ADORA2B: variants seen among roughly 807,000 people sequenced by gnomAD.
ADORA2B encodes adenosine receptor A2b.
In ADORA2B, 18 loss-of-function variants were observed where a neutral mutation model predicts 20.8. The ratio of observed to expected loss-of-function variants is 0.87; its 90% confidence interval spans 0.60 to 1.29. The LOEUF is 1.29. Ranked by LOEUF, ADORA2B falls within the 50% of genes most tolerant of loss-of-function variation. The pLI is 0.00. For missense variants in ADORA2B, 441 were observed against 422.7 expected (o/e 1.04, Z -0.38); for synonymous variants, 179 against 178.3 (o/e 1.00, Z -0.03).
At chr17:15,908,680 C>T in the ADORA2B span, 75 of 157,692 alleles carry the variant, frequency 4.8e-4, 1 homozygote, top group Non-Finnish European at 6.9e-4. Context: ...TGCAATTTGT[C>T]CTGGAAGCAC....
chr17:15,935,573 C>T, the ADORA2B span, among the ~76,000 whole-genome samples: 3 of 152,106 alleles, frequency 2.0e-5, no homozygotes, highest in Admixed American at 6.5e-5. Flanking sequence ...TGAGTTTCTT[C>T]GATGTACATG....
At chr17:15,900,724 A>G in the ADORA2B span, among the ~76,000 whole-genome samples, 1 of 152,194 alleles carries the variant, frequency 6.6e-6, no homozygotes, top group South Asian at 2.1e-4. Flanking sequence ...TACTGAGATT[A>G]CAGGTGTGAG....
the ADORA2B span, among the ~76,000 whole-genome samples, chr17:15,872,412 G>A: frequency 2.6e-5 from 4 of 152,050 alleles, no homozygotes; most frequent in African/African-American, 9.7e-5. Context: ...GGTTCCATAT[G>A]AATTTTGGGA....
At chr17:15,881,317 G>T in the ADORA2B span, among the ~76,000 whole-genome samples, 1 of 152,038 alleles carries the variant, frequency 6.6e-6, no homozygotes, top group African/African-American at 2.4e-5. Context: ...TAGCCAGGAT[G>T]GTCTCGACCT....
the ADORA2B span, among the ~76,000 whole-genome samples, chr17:15,922,021 T>G: frequency 6.6e-6 from 1 of 152,244 alleles, no homozygotes; most frequent in African/African-American, 2.4e-5. Flanking sequence ...GGATGACTTG[T>G]GTAGGGAATT....
the ADORA2B span, among the ~76,000 whole-genome samples, chr17:15,903,071 A>T: frequency 3.3e-5 from 5 of 152,232 alleles, no homozygotes; most frequent in Non-Finnish European, 7.3e-5. Flanking sequence ...ATGAGTAGTT[A>T]TTAAAAGATT....
upstream of ADORA2B, among the ~76,000 whole-genome samples, chr17:15,941,522 G>A (rs1415078098): frequency 6.6e-6 from 1 of 152,052 alleles, no homozygotes; most frequent in African/African-American, 2.4e-5. Flanking sequence ...GAGCCCAGGG[G>A]TTCAAGACCA....
At chr17:15,950,406 T>TATAC (rs1001328352) in intron 1 of ADORA2B, among the ~76,000 whole-genome samples, 2 of 152,118 alleles carry the variant, frequency 1.3e-5, no homozygotes, top group African/African-American at 4.8e-5. Context: ...AGTACACGAA[T>TATAC]ATACCCCTAG....
At chr17:15,913,163 G>A in the ADORA2B span, among the ~76,000 whole-genome samples, 1 of 152,140 alleles carries the variant, frequency 6.6e-6, no homozygotes, top group East Asian at 1.9e-4. Flanking sequence ...GCCCACAGCT[G>A]GCTCTTCCTT....
the ADORA2B span, among the ~76,000 whole-genome samples, chr17:15,885,116 A>G: frequency 6.6e-6 from 1 of 152,110 alleles, no homozygotes; most frequent in Admixed American, 6.5e-5. Context: ...CGCCATTCTG[A>G]CTGGTGTGAG....
At chr17:15,894,537 C>A in the ADORA2B span, among the ~76,000 whole-genome samples, 1 of 152,180 alleles carries the variant, frequency 6.6e-6, no homozygotes, top group African/African-American at 2.4e-5. Flanking sequence ...CCAGGGAGTC[C>A]AAGGGGGCAG....
At chr17:15,908,596 G>C in the ADORA2B span, 1 of 194,222 alleles carries the variant, frequency 5.1e-6, no homozygotes. Context: ...GCATGATGCA[G>C]TATGTGGCCC....
At chr17:15,972,270 T>C (rs186170378) in intron 1 of ADORA2B, among the ~76,000 whole-genome samples, 1 of 152,306 alleles carries the variant, frequency 6.6e-6, no homozygotes, top group East Asian at 1.9e-4. Context: ...TCTGCGGCCA[T>C]GCTGGGAAGT....
At chr17:15,853,443 G>T in the ADORA2B span, among the ~76,000 whole-genome samples, 1 of 152,186 alleles carries the variant, frequency 6.6e-6, no homozygotes, top group East Asian at 1.9e-4. Context: ...TAAAGAAAAG[G>T]TATAAATTAG....
At chr17:15,884,733 CTGCAAAGGA>C in the ADORA2B span, among the ~76,000 whole-genome samples, 1 of 152,190 alleles carries the variant, frequency 6.6e-6, no homozygotes, top group African/African-American at 2.4e-5. Flanking sequence ...ATCCATGTCT[CTGCAAAGGA>C]TGTGATCTCG....
At chr17:15,920,821 C>G in the ADORA2B span, among the ~76,000 whole-genome samples, 1 of 152,042 alleles carries the variant, frequency 6.6e-6, no homozygotes. Flanking sequence ...GTATTTGTGA[C>G]AGGCCTCATC....
the ADORA2B span, among the ~76,000 whole-genome samples, chr17:15,857,936 G>GAAT: frequency 0.22 from 30,742 of 142,866 alleles, 3,511 homozygotes; most frequent in Non-Finnish European, 0.26. Flanking sequence ...TTTTATGGGT[G>GAAT]AATATCTCCA....
chr17:15,947,764 C>T (rs1444826558), intron 1 of ADORA2B, among the ~76,000 whole-genome samples: 2 of 152,210 alleles, frequency 1.3e-5, no homozygotes, highest in Non-Finnish European at 2.9e-5. Flanking sequence ...GTTCATGGCC[C>T]CTTGGGAAGA....
intron 1 of ADORA2B, among the ~76,000 whole-genome samples, chr17:15,958,864 C>T (rs1334221938): frequency 6.6e-6 from 1 of 152,200 alleles, no homozygotes; most frequent in Non-Finnish European, 1.5e-5. Context: ...GGTTTGCCAT[C>T]CTTTCTCTGT....
Sources: allele counts gnomAD v4.1 joint callset (sites outside exome capture counted in the v4.1 genomes callset), GRCh38; gene constraint gnomAD v4.1.1; transcripts MANE v1.5; gene names NCBI Gene and HGNC (gene_info 2026-07-23, HGNC 2026-07-21).